Variants in GALNT2 observed in about 807,000 individuals in gnomAD.
GALNT2 encodes the protein UDP-GalNAc:polypeptide N-acetylgalactosaminyltransferase 2.
In GALNT2, 31 loss-of-function variants were observed where a neutral mutation model predicts 81.4. The ratio of observed to expected loss-of-function variants is 0.38; its 90% confidence interval spans 0.29 to 0.51. The LOEUF (loss-of-function observed/expected upper bound fraction) is 0.51, where lower values mean the gene tolerates loss of function less well. GALNT2 is among the 20% of genes least tolerant of loss of function. The pLI is 0.87. For missense variants in GALNT2, 629 were observed against 765.7 expected (o/e 0.82, Z 2.11); for synonymous variants, 303 against 287.4 (o/e 1.05, Z -0.55).
At chr1:230,120,032 C>T (rs958084939) in intron 1 of GALNT2, among the ~76,000 whole-genome samples, 4 of 152,078 alleles carry the variant, frequency 2.6e-5, no homozygotes, top group Admixed American at 6.5e-5. Flanking sequence ...GAAGCGTTTG[C>T]GGTTCGCTAT....
intron 1 of GALNT2, among the ~76,000 whole-genome samples, chr1:230,109,519 G>T (rs1302761477): frequency 6.6e-6 from 1 of 152,212 alleles, no homozygotes; most frequent in African/African-American, 2.4e-5. Flanking sequence ...CTGCAGGGTA[G>T]GAGTAGACTT....
intron 1 of GALNT2, among the ~76,000 whole-genome samples, chr1:230,139,910 T>C (rs2102822663): frequency 6.6e-6 from 1 of 152,364 alleles, no homozygotes; most frequent in Non-Finnish European, 1.5e-5. Context: ...TCCTGTGGGC[T>C]GGTCATTCAG....
chr1:230,175,302 T>C (rs1430620479), intron 1 of GALNT2, among the ~76,000 whole-genome samples: 1 of 152,182 alleles, frequency 6.6e-6, no homozygotes, highest in Non-Finnish European at 1.5e-5. Flanking sequence ...AGCTATCTTA[T>C]CTAGAGGCAG....
intron 3 of GALNT2, among the ~76,000 whole-genome samples, chr1:230,206,278 T>A (rs535265109): frequency 6.6e-6 from 1 of 151,956 alleles, no homozygotes; most frequent in South Asian, 2.1e-4. Flanking sequence ...TGTACGTATA[T>A]TTTTTTTCAA....
intron 1 of GALNT2, among the ~76,000 whole-genome samples, chr1:230,121,948 C>CTTTTTTTTTTTTTTTTTTTTTTTTCT (rs11430880): frequency 9.6e-6 from 1 of 104,012 alleles, no homozygotes; most frequent in Non-Finnish European, 1.8e-5. Flanking sequence ...TACTGTTATG[C>CTTTTTTTTTTTTTTTTTTTTTTTTCT]TTTTTTTTTT....
chr1:230,066,261 T>C (rs962169565), upstream of GALNT2, among the ~76,000 whole-genome samples: 1 of 152,266 alleles, frequency 6.6e-6, no homozygotes, highest in Non-Finnish European at 1.5e-5. Context: ...CACTGGAAGC[T>C]TTGCGTGTTG....
intron 3 of GALNT2, among the ~76,000 whole-genome samples, chr1:230,211,337 C>A (rs547671769): frequency 6.6e-6 from 1 of 152,184 alleles, no homozygotes; most frequent in Non-Finnish European, 1.5e-5. Flanking sequence ...CTTCTCTAGG[C>A]TTAGCTGTTC....
rs146889087 is a variant in GALNT2, at chr1:230,115,522, T to G, written c.126+48116T>G. Among the ~76,000 whole-genome samples the G allele has an allele frequency of 2.7e-3, 408 of 152,314 alleles. 2 individuals carry two copies. Among genetic ancestry groups the G allele is most frequent in the African/African-American group, 9.6e-3 (399 of 41,554 alleles). On this transcript the variant is annotated intron_variant, in intron 1 of 15. Transcript: ENST00000366672. The stretch of plus-strand genomic sequence containing the variant: ...GTACGGATCTTAATTTTAAAATATT[T>G]TATTACTGAAAAATGCTAAGGATCA...
chr1:230,225,306 C>A (rs988312551), intron 3 of GALNT2, among the ~76,000 whole-genome samples: 2 of 152,206 alleles, frequency 1.3e-5, no homozygotes, highest in African/African-American at 4.8e-5. Context: ...TCTGTAGACA[C>A]CATAGCAACA....
intron 1 of GALNT2, among the ~76,000 whole-genome samples, chr1:230,095,094 G>T (rs113445831): frequency 6.6e-6 from 1 of 152,088 alleles, no homozygotes; most frequent in Non-Finnish European, 1.5e-5. Flanking sequence ...CTCTGGTTGT[G>T]TTGGTTAAGA....
chr1:230,241,806 T>A (rs1665210643), intron 6 of GALNT2, among the ~76,000 whole-genome samples: 1 of 152,204 alleles, frequency 6.6e-6, no homozygotes, highest in Admixed American at 6.5e-5. Flanking sequence ...CTATGTGTGG[T>A]CTTTCTGAAG....
chr1:230,120,697 C>T (rs1039103839), intron 1 of GALNT2, among the ~76,000 whole-genome samples: 2 of 152,146 alleles, frequency 1.3e-5, no homozygotes, highest in Admixed American at 6.5e-5. Flanking sequence ...CCTTTCTCCT[C>T]GGCCTCTCCC....
At chr1:230,153,992 G>A (rs1662169812) in intron 1 of GALNT2, among the ~76,000 whole-genome samples, 1 of 152,238 alleles carries the variant, frequency 6.6e-6, no homozygotes, top group Non-Finnish European at 1.5e-5. Flanking sequence ...ACCTTATAAA[G>A]ACTCAGAAAT....
intron 1 of GALNT2, among the ~76,000 whole-genome samples, chr1:230,102,891 A>G (rs547225217): frequency 6.6e-6 from 1 of 152,288 alleles, no homozygotes; most frequent in Admixed American, 6.5e-5. Flanking sequence ...AGGCGGGGCC[A>G]TGGGTGAAGA....
chr1:230,068,082 G>T (rs1196918107), intron 1 of GALNT2, among the ~76,000 whole-genome samples: 1 of 152,214 alleles, frequency 6.6e-6, no homozygotes, highest in African/African-American at 2.4e-5. Flanking sequence ...CCCGGCCCCC[G>T]GCCCTCCCGC....
At chr1:230,205,140 A>G (rs1664020451) in intron 3 of GALNT2, among the ~76,000 whole-genome samples, 1 of 152,166 alleles carries the variant, frequency 6.6e-6, no homozygotes, top group South Asian at 2.1e-4. Flanking sequence ...AGCTGGAGAG[A>G]GACAAATGGC....
chr1:230,180,870 G>A (rs1308598011), intron 2 of GALNT2, among the ~76,000 whole-genome samples: 1 of 152,102 alleles, frequency 6.6e-6, no homozygotes, highest in Non-Finnish European at 1.5e-5. Flanking sequence ...AGTTTCTAAT[G>A]TAAATGGTCT....
intron 11 of GALNT2, chr1:230,262,060 G>C (rs1665891647): frequency 6.6e-6 from 1 of 152,056 alleles, no homozygotes; most frequent in Non-Finnish European, 1.5e-5. Flanking sequence ...TAGCCCCGCA[G>C]AAAAGAAAGT....
At chr1:230,223,012 T>G (rs999702229) in intron 3 of GALNT2, among the ~76,000 whole-genome samples, 5 of 152,172 alleles carry the variant, frequency 3.3e-5, no homozygotes, top group African/African-American at 4.8e-5. Flanking sequence ...AATATACATG[T>G]TCAACCAACC....
Sources: gnomAD v4.1 joint callset for allele counts (sites outside exome capture counted in the v4.1 genomes callset) on GRCh38, gnomAD v4.1.1 for gene constraint, MANE v1.5 for transcripts, NCBI Gene and HGNC (gene_info 2026-07-23, HGNC 2026-07-21) for gene names.